The following EXOC6B variants were observed in gnomAD, a reference collection of about 807,000 sequenced individuals.
EXOC6B encodes the protein exocyst complex component 6B.
EXOC6B carries 54 observed loss-of-function variants against 113.5 expected under a neutral mutation model. The ratio of observed to expected loss-of-function variants is 0.48; its 90% CI spans 0.38 to 0.60. The LOEUF (loss-of-function observed/expected upper bound fraction) is 0.60, where lower values mean the gene tolerates loss of function less well. Among genes scored for constraint, EXOC6B ranks in the 20% least tolerant of loss-of-function variants. The pLI, the probability that EXOC6B is intolerant of heterozygous loss-of-function variation, is 0.00. For synonymous variants in EXOC6B, 357 were observed against 339.0 expected, an observed-to-expected ratio of 1.05 and a Z score of -0.58; for missense variants, 797 against 977.5, an observed-to-expected ratio of 0.82 and a Z score of 2.46.
intron 20 of EXOC6B, among the ~76,000 whole-genome samples, chr2:72,287,049 T>G (rs1274772584): frequency 6.6e-6 from 1 of 151,940 alleles, no homozygotes; most frequent in African/African-American, 2.4e-5. Context: ...GAATTATGGA[T>G]CTAGGTATGC....
intron 20 of EXOC6B, among the ~76,000 whole-genome samples, chr2:72,206,241 A>C (rs1320334035): frequency 2.6e-5 from 4 of 152,240 alleles, no homozygotes; most frequent in Non-Finnish European, 5.9e-5. Flanking sequence ...AGGAAGTCAG[A>C]ATCGGAAACC....
At chr2:72,635,523 A>C (rs891563206) in intron 6 of EXOC6B, among the ~76,000 whole-genome samples, 1 of 152,170 alleles carries the variant, frequency 6.6e-6, no homozygotes, top group African/African-American at 2.4e-5. Context: ...TTAAATAGAT[A>C]ATTTGAATAG....
intron 6 of EXOC6B, among the ~76,000 whole-genome samples, chr2:72,710,717 T>C (rs962534795): frequency 1.3e-5 from 2 of 152,104 alleles, no homozygotes; most frequent in African/African-American, 4.8e-5. Context: ...TCAAAAGATG[T>C]TCTACACCAT....
At chr2:72,369,695 A>C (rs373904545) in intron 19 of EXOC6B, among the ~76,000 whole-genome samples, 2 of 152,220 alleles carry the variant, frequency 1.3e-5, no homozygotes, top group Admixed American at 1.3e-4. Context: ...CAGAGCCCTC[A>C]GAAATAATAC....
intron 16 of EXOC6B, among the ~76,000 whole-genome samples, chr2:72,485,505 G>A (rs1256209033): frequency 3.3e-5 from 5 of 152,114 alleles, no homozygotes; most frequent in Admixed American, 6.5e-5. Flanking sequence ...TAGACTTCAA[G>A]GGATTTGATC....
intron 19 of EXOC6B, among the ~76,000 whole-genome samples, chr2:72,352,785 A>G (rs1463711757): frequency 6.6e-6 from 1 of 150,616 alleles, no homozygotes; most frequent in African/African-American, 2.5e-5. Context: ...CAGTAGATGG[A>G]TTAAAATGTT....
intron 11 of EXOC6B, among the ~76,000 whole-genome samples, chr2:72,506,825 C>A (rs1700620426): frequency 6.6e-6 from 1 of 152,002 alleles, no homozygotes; most frequent in African/African-American, 2.4e-5. Context: ...ATATTTTGGA[C>A]TGAAGGACTA....
intron 18 of EXOC6B, among the ~76,000 whole-genome samples, chr2:72,445,670 TC>T (rs1398360827): frequency 6.6e-6 from 1 of 152,054 alleles, no homozygotes; most frequent in Non-Finnish European, 1.5e-5. Context: ...CCATCAGATC[TC>T]ATGAGACTTA....
intron 6 of EXOC6B, among the ~76,000 whole-genome samples, chr2:72,679,679 G>T (rs1040671165): frequency 6.6e-6 from 1 of 152,144 alleles, no homozygotes. Context: ...TTCATAATTG[G>T]AGAAAATATT....
intron 20 of EXOC6B, among the ~76,000 whole-genome samples, chr2:72,244,747 A>G (rs1317253079): frequency 6.6e-6 from 1 of 152,138 alleles, no homozygotes; most frequent in African/African-American, 2.4e-5. Flanking sequence ...ACATTAAACT[A>G]AGAATAAAGG....
chr2:72,277,665 C>T (rs1446165595), intron 20 of EXOC6B, among the ~76,000 whole-genome samples: 2 of 151,680 alleles, frequency 1.3e-5, no homozygotes, highest in East Asian at 1.9e-4. Flanking sequence ...CTAATTTCTT[C>T]GTATTTTCAG....
chr2:72,544,803 C>A (rs6739768), intron 8 of EXOC6B, among the ~76,000 whole-genome samples: 35,139 of 151,978 alleles, frequency 0.23, 6,991 homozygotes, highest in African/African-American at 0.54. Flanking sequence ...CTAAATACAC[C>A]ATTTCCCATT....
intron 6 of EXOC6B, among the ~76,000 whole-genome samples, chr2:72,697,671 C>A (rs1283577411): frequency 2.0e-5 from 3 of 152,070 alleles, no homozygotes; most frequent in Non-Finnish European, 2.9e-5. Flanking sequence ...GCAACAGAGC[C>A]AGACCCTGCC....
chr2:72,492,230 A>C (rs1001155150), intron 16 of EXOC6B, 88 bp downstream of exon 16: 2 of 602,024 alleles, frequency 3.3e-6, no homozygotes, highest in Non-Finnish European at 5.8e-6. Flanking sequence ...AGCATGTAGA[A>C]AGTTTTAACG....
intron 6 of EXOC6B, among the ~76,000 whole-genome samples, chr2:72,581,907 G>A (rs1705245933): frequency 6.6e-6 from 1 of 152,056 alleles, no homozygotes; most frequent in South Asian, 2.1e-4. Context: ...CTGAGACCAG[G>A]GTGCACTCCA....
intron 1 of EXOC6B, among the ~76,000 whole-genome samples, chr2:72,770,257 A>C (rs114456743): frequency 0.015 from 2,343 of 152,300 alleles, 83 homozygotes; most frequent in African/African-American, 0.054. Flanking sequence ...AAATTATACA[A>C]CTAAGAAAAA....
At chr2:72,586,951 T>C (rs542533845) in intron 6 of EXOC6B, among the ~76,000 whole-genome samples, 1 of 152,180 alleles carries the variant, frequency 6.6e-6, no homozygotes, top group African/African-American at 2.4e-5. Flanking sequence ...GGAATGCTTA[T>C]ACATTGTTGG....
intron 8 of EXOC6B, among the ~76,000 whole-genome samples, chr2:72,521,099 G>A (rs1293905180): frequency 6.6e-6 from 1 of 152,168 alleles, no homozygotes; most frequent in East Asian, 1.9e-4. Context: ...TAAGTGATGA[G>A]GGTAGGGCCC....
chr2:72,716,539 GTCCTGGATTCACAAAAGA>G (rs1218234609), intron 6 of EXOC6B, among the ~76,000 whole-genome samples: 1 of 152,042 alleles, frequency 6.6e-6, no homozygotes, highest in Non-Finnish European at 1.5e-5. Flanking sequence ...TTAATTAAAA[GTCCTGGATTCACAAAAGA>G]TTTCTTCATC....
Sources: gnomAD v4.1 joint callset for allele counts (sites outside exome capture counted in the v4.1 genomes callset) on GRCh38, gnomAD v4.1.1 for gene constraint, MANE v1.5 for transcripts, NCBI Gene and HGNC (gene_info 2026-07-23, HGNC 2026-07-21) for gene names.